Variants in SLC23A2 observed in about 807,000 individuals in gnomAD.
SLC23A2 encodes the protein solute carrier family 23 member 2.
SLC23A2 carries 36 observed loss-of-function variants against 73.3 expected under a neutral mutation model. The ratio of observed to expected loss-of-function variants is 0.49; its 90% CI spans 0.38 to 0.65. The LOEUF is 0.65. Ranked by LOEUF, SLC23A2 falls within the 30% of genes least tolerant of loss-of-function variation. SLC23A2 has a pLI of 0.00. For missense variants in SLC23A2, 507 were observed against 841.6 expected (o/e 0.60, Z 4.92); for synonymous variants, 343 against 327.3 (o/e 1.05, Z -0.52).
intron 5 of SLC23A2, among the ~76,000 whole-genome samples, chr20:4,900,164 G>A (rs191681865): frequency 8.4e-4 from 128 of 152,316 alleles, no homozygotes; most frequent in African/African-American, 3.0e-3. Flanking sequence ...GAGCCACCAC[G>A]CCCAGCTGCA....
intron 3 of SLC23A2, among the ~76,000 whole-genome samples, chr20:4,919,944 C>G (rs756830361): frequency 1.1e-4 from 16 of 152,164 alleles, no homozygotes. Context: ...CTCAACCTTA[C>G]TCATAAGAAG....
intron 4 of SLC23A2, among the ~76,000 whole-genome samples, chr20:4,906,363 C>T (rs1227077744): frequency 2.6e-5 from 4 of 151,510 alleles, no homozygotes; most frequent in African/African-American, 4.9e-5. Flanking sequence ...TGGTAGCTCA[C>T]GTCTGTAATC....
chr20:4,951,195 G>T (rs1034845134), intron 2 of SLC23A2, among the ~76,000 whole-genome samples: 1 of 152,130 alleles, frequency 6.6e-6, no homozygotes, highest in Admixed American at 6.5e-5. Context: ...TGGAATAAAG[G>T]AAGAAAAACA....
At chr20:4,955,476 C>T (rs997886476) in intron 2 of SLC23A2, among the ~76,000 whole-genome samples, 2 of 151,832 alleles carry the variant, frequency 1.3e-5, no homozygotes, top group Non-Finnish European at 2.9e-5. Context: ...AGCACTAACT[C>T]GTGATTCCCC....
At chr20:4,874,252 T>C (rs1179235348) in intron 10 of SLC23A2, among the ~76,000 whole-genome samples, 160 bp from the exon 11 acceptor site, 1 of 152,190 alleles carries the variant, frequency 6.6e-6, no homozygotes. Flanking sequence ...AGCAGTTTCA[T>C]TCAGGTGAAC....
chr20:4,986,651 C>CATACACAT (rs879416930), intron 1 of SLC23A2, among the ~76,000 whole-genome samples: 1 of 89,186 alleles, frequency 1.1e-5, no homozygotes, highest in African/African-American at 6.1e-5. Context: ...TACACACATA[C>CATACACAT]ACACACACAC....
intron 1 of SLC23A2, among the ~76,000 whole-genome samples, chr20:4,972,197 A>G (rs2087571639): frequency 6.6e-6 from 1 of 152,262 alleles, no homozygotes; most frequent in African/African-American, 2.4e-5. Flanking sequence ...GTTTAGCCAG[A>G]TTTTCACTGG....
At chr20:4,920,678 C>A (rs946272992) in intron 3 of SLC23A2, among the ~76,000 whole-genome samples, 1 of 152,142 alleles carries the variant, frequency 6.6e-6, no homozygotes, top group African/African-American at 2.4e-5. Flanking sequence ...ATCTGTATAT[C>A]AGAAAGTGAA....
At chr20:4,951,836 G>T (rs6116589) in intron 2 of SLC23A2, among the ~76,000 whole-genome samples, 1 of 152,004 alleles carries the variant, frequency 6.6e-6, no homozygotes, top group Non-Finnish European at 1.5e-5. Flanking sequence ...GGGTGTGGTG[G>T]CTCACACCTG....
rs776477559 is a variant in SLC23A2 at position 4,869,906 on chromosome 20, C to A, written c.1250G>T (p.Arg417Met). ...APPPPIHAIN[R>M]GIFVEGLSCV... ...GGAACTTGTCTTCTCAGGAACGTACCTGTTTATTGCGTGGATGGGGGGGGG... is the reference window on the plus strand; with the variant it reads ...GGAACTTGTCTTCTCAGGAACGTACATGTTTATTGCGTGGATGGGGGGGGG... Residue 417 changes from arginine (R) to methionine (M), a missense_variant and splice_region_variant, in exon 12 of 17, where the codon AGG becomes ATG. Physicochemically the swap from Arg to Met is moderately conservative, Grantham distance 91. This residue lies in a region of SLC23A2 where 27 missense variants were observed against 18.2 expected (regional missense o/e 1.48). Transcript: ENST00000338244. 6.3e-7 allele frequency: 1 copy of A among 1,585,492 alleles called. No homozygotes were observed. Among genetic ancestry groups the A allele is most frequent in the Non-Finnish European group, 8.6e-7 (1 of 1,159,836 alleles).
At position 4,998,669 on chromosome 20, in the gene SLC23A2, GC is replaced by G. The variant is rs556485864; in HGVS notation, c.-282+2736del. On this transcript the variant is annotated intron_variant, in intron 1 of 16. Coordinates refer to ENST00000338244, the MANE Select transcript of SLC23A2 (RefSeq NM_005116.6). This position sits in a 1 kb window ranked among gnomAD's most constrained non-coding sequence, Gnocchi z 4.1. ...GGTGTGTGAGAGTTTTATGGGCAAG[GC>G]CAGGAAACGGTTCAGGAAGGACTGT... Among the ~76,000 whole-genome samples the G allele has an allele frequency of 2.9e-3, 436 of 152,282 alleles. 3 individuals carry two copies. The highest frequency in any genetic ancestry group is 9.6e-3 in the African/African-American group (398 of 41,544).
Position 4,932,473 on chromosome 20 carries a change from T to C in SLC23A2, c.90A>G (p.Pro30=). ...TGATTACCGGAAGAGTGAAGAAAGC[T>C]GGGTGCTTTGCCTCGTCTTCGTATT... The part of the protein sequence containing the change: ...EGKYEDEAKH[P]AFFTLPVVIN... Residue 30 remains proline, a synonymous_variant, in exon 3 of 17, where the codon CCA becomes CCG. Transcript: ENST00000338244. 5 of 1,588,796 alleles carry C rather than the reference T, an allele frequency of 3.1e-6. No homozygotes were observed. Among genetic ancestry groups the C allele is most frequent in the Admixed American group, 1.7e-5 (1 of 60,004 alleles).
chr20:4,985,725 G>A (rs2087814625), intron 1 of SLC23A2, among the ~76,000 whole-genome samples: 1 of 152,190 alleles, frequency 6.6e-6, no homozygotes, highest in Non-Finnish European at 1.5e-5. Flanking sequence ...TGGGATTACA[G>A]GCATGAGCCA....
chr20:4,877,690 AG>A (rs927718143), intron 9 of SLC23A2, among the ~76,000 whole-genome samples: 1 of 152,224 alleles, frequency 6.6e-6, no homozygotes, highest in African/African-American at 2.4e-5. Context: ...GCTGAAAAAC[AG>A]TGGGATATAG....
intron 2 of SLC23A2, among the ~76,000 whole-genome samples, chr20:4,970,050 G>A (rs1046213878): frequency 1.3e-5 from 2 of 152,120 alleles, no homozygotes; most frequent in African/African-American, 4.8e-5. Flanking sequence ...TGCAGAGAAT[G>A]CTTGAAAAGG....
Position 4,912,935 on chromosome 20 carries a change from T to A in SLC23A2, c.152A>T (p.Asn51Ile), listed in dbSNP as rs375929033. ...GGATSSGEQD[N>I]EDTELMAIYT... ...GATCGCCATGAGCTCAGTGTCCTCA[T>A]TGTCCTGCTCACCGCTGGAGGTGGC... Residue 51 changes from asparagine to isoleucine, a missense_variant, in exon 4 of 17, where the codon AAT becomes ATT. Physicochemically the swap from Asn to Ile is moderately radical, Grantham distance 149. Coordinates refer to ENST00000338244, the MANE Select transcript of SLC23A2 (RefSeq NM_005116.6). 1 of 1,555,006 alleles carries A rather than the reference T, an allele frequency of 6.4e-7. No individual in the cohort carries two copies.
intron 2 of SLC23A2, among the ~76,000 whole-genome samples, chr20:4,961,878 T>C (rs1427348965): frequency 6.6e-6 from 1 of 152,180 alleles, no homozygotes; most frequent in East Asian, 1.9e-4. Context: ...AGGAAAACTT[T>C]TGGAATTTGT....
intron 9 of SLC23A2, among the ~76,000 whole-genome samples, chr20:4,879,501 G>A (rs1375815182): frequency 6.6e-6 from 1 of 150,682 alleles, no homozygotes; most frequent in Non-Finnish European, 1.5e-5. Context: ...TAAAATTCAG[G>A]GGAAGGGACT....
In SLC23A2 at chr20:4,888,399, A is replaced by G. The variant is rs1275161027; in HGVS notation, c.483-2490T>C. ...TCTGACCTGTCTACAGGGAAAATAT[A>G]TCTTAAATATGTGAAGAGGCAGTGG... On this transcript the variant is annotated intron_variant, in intron 6 of 16. Coordinates refer to ENST00000338244, the MANE Select transcript of SLC23A2 (RefSeq NM_005116.6). Among the ~76,000 whole-genome samples, 17 of 152,242 alleles carry G rather than the reference A, an allele frequency of 1.1e-4. 1 individual carries two copies. Among genetic ancestry groups the G allele is most frequent in the Admixed American group, 1.0e-3 (16 of 15,288 alleles).
Sources: allele counts gnomAD v4.1 joint callset (sites outside exome capture counted in the v4.1 genomes callset), GRCh38; gene constraint gnomAD v4.1.1; regional missense constraint gnomAD v4.1.1; non-coding constraint Gnocchi (gnomAD v3.1); transcripts MANE v1.5; gene names NCBI Gene and HGNC (gene_info 2026-07-23, HGNC 2026-07-21).